WFDC10B: variants seen among roughly 807,000 people sequenced by gnomAD.
The protein encoded by WFDC10B is protein WFDC10B.
In WFDC10B, 1 loss-of-function variant was observed where a neutral mutation model predicts 2.7. The ratio of observed to expected loss-of-function variants is 0.38; its 90% CI spans 0.13 to 1.79. The LOEUF is 1.79. Ranked by LOEUF, WFDC10B falls within the 40% of genes most tolerant of loss-of-function variation. The probability of loss-of-function intolerance (pLI) is 0.33; values close to 1 mark genes in which losing one functional copy is unlikely to be tolerated. For missense variants in WFDC10B, 71 were observed against 87.8 expected, an observed-to-expected ratio of 0.81 and a Z score of 0.76; for synonymous variants, 26 against 32.2, an observed-to-expected ratio of 0.81 and a Z score of 0.65.
intron 2 of WFDC10B, among the ~76,000 whole-genome samples, chr20:45,700,333 G>A (rs1984114651): frequency 6.6e-6 from 1 of 152,028 alleles, no homozygotes; most frequent in South Asian, 2.1e-4. Flanking sequence ...GATAAAGAAG[G>A]GCTGCTACTC....
intron 2 of WFDC10B, among the ~76,000 whole-genome samples, chr20:45,703,275 A>G (rs1243506786): frequency 6.6e-6 from 1 of 152,168 alleles, no homozygotes; most frequent in Non-Finnish European, 1.5e-5. Flanking sequence ...GCAGTGCCCC[A>G]GTGAGCTATA....
At chr20:45,688,668 C>T (rs73620961) in intron 2 of WFDC10B, among the ~76,000 whole-genome samples, 13 of 146,992 alleles carry the variant, frequency 8.8e-5, no homozygotes, top group Middle Eastern at 3.4e-3. Context: ...TCATGTCCTT[C>T]GCCCACTTTT....
chr20:45,701,824 A>G (rs953279860), intron 2 of WFDC10B, among the ~76,000 whole-genome samples: 2 of 151,978 alleles, frequency 1.3e-5, no homozygotes, highest in African/African-American at 4.8e-5. Context: ...CAATTTCCAC[A>G]GGGGAAAATT....
At chr20:45,690,597 A>G (rs888108591) in intron 2 of WFDC10B, among the ~76,000 whole-genome samples, 1 of 151,724 alleles carries the variant, frequency 6.6e-6, no homozygotes, top group Non-Finnish European at 1.5e-5. Context: ...GAATTTATCC[A>G]TTTCTTCTAG....
rs1037223032 is a variant in WFDC10B, at chr20:45,686,076, T to C, written c.-64-20A>G. On this transcript the variant is annotated intron_variant, in intron 2 of 3. Transcript: ENST00000330523. ...AGCTGCCTGTGGAGAGGGAAGGAAA[T>C]AAAGAAGGAATGATCTTCAGCTCCT... 101 of 1,545,542 alleles carry C rather than the reference T, an allele frequency of 6.5e-5. No individual in the cohort carries two copies. Among genetic ancestry groups the C allele is most frequent in the Admixed American group, 6.1e-4 (31 of 50,944 alleles).
At chr20:45,699,142 T>C (rs1568673812) in intron 2 of WFDC10B, among the ~76,000 whole-genome samples, 1 of 152,104 alleles carries the variant, frequency 6.6e-6, no homozygotes, top group Non-Finnish European at 1.5e-5. Context: ...CTGACAAGCA[T>C]GTGGAGAAAT....
At chr20:45,701,420 G>T (rs1473181492) in intron 2 of WFDC10B, among the ~76,000 whole-genome samples, 1 of 152,136 alleles carries the variant, frequency 6.6e-6, no homozygotes, top group African/African-American at 2.4e-5. Context: ...GTAAACAAAA[G>T]GAATTAGTTG....
At chr20:45,689,204 C>G (rs1271796255) in intron 2 of WFDC10B, among the ~76,000 whole-genome samples, 1 of 151,120 alleles carries the variant, frequency 6.6e-6, no homozygotes, top group Non-Finnish European at 1.5e-5. Flanking sequence ...ATCTATATCT[C>G]TGTTTTGGTA....
At chr20:45,702,037 C>T (rs948640640) in intron 2 of WFDC10B, 2 of 1,309,180 alleles carry the variant, frequency 1.5e-6, no homozygotes, top group African/African-American at 2.9e-5. Flanking sequence ...TCCACTTTGC[C>T]CTCTTTCCTT....
intron 2 of WFDC10B, among the ~76,000 whole-genome samples, chr20:45,689,362 T>A (rs1684349240): frequency 6.6e-6 from 1 of 151,686 alleles, no homozygotes; most frequent in Admixed American, 6.6e-5. Context: ...AAGTAGTTTT[T>A]TCCAATTCTG....
intron 2 of WFDC10B, among the ~76,000 whole-genome samples, chr20:45,689,502 C>G (rs1199154203): frequency 6.6e-6 from 1 of 152,024 alleles, no homozygotes. Context: ...TTGTTTGTAT[C>G]CTCTTTTATT....
intron 2 of WFDC10B, among the ~76,000 whole-genome samples, chr20:45,696,695 G>A (rs1045212363): frequency 1.3e-5 from 2 of 152,042 alleles, no homozygotes; most frequent in African/African-American, 4.8e-5. Flanking sequence ...CACCAAAACT[G>A]ACTTGAGAAG....
At position 45,686,418 on chromosome 20, in the gene WFDC10B, A is replaced by G. The variant is rs572983555; in HGVS notation, c.-64-362T>C. Reference sequence around the variant, plus strand: ...TTCCTCTGTATATTTAATGTAAACAATCTTTTATTTTCTCATTTTTGAATC... The same window carrying G: ...TTCCTCTGTATATTTAATGTAAACAGTCTTTTATTTTCTCATTTTTGAATC... On this transcript the variant is annotated intron_variant, in intron 2 of 3. Transcript: ENST00000330523. Among the ~76,000 whole-genome samples, 71 of 152,214 alleles carry G rather than the reference A, an allele frequency of 4.7e-4. No individual in the cohort carries two copies. In the South Asian group the frequency reaches 0.014, roughly 30 times the overall value.
At chr20:45,702,210 G>C in intron 2 of WFDC10B, 6 of 1,611,546 alleles carry the variant, frequency 3.7e-6, no homozygotes, top group Non-Finnish European at 4.2e-6. Context: ...AGCGTGTTCT[G>C]AGTAGGTGCT....
chr20:45,694,536 A>C (rs117900327), intron 2 of WFDC10B, among the ~76,000 whole-genome samples: 146 of 152,358 alleles, frequency 9.6e-4, no homozygotes, highest in Non-Finnish European at 1.8e-3. Flanking sequence ...TATATGAAGC[A>C]AACACCACAG....
chr20:45,700,650 C>T (rs1984125696), intron 2 of WFDC10B, among the ~76,000 whole-genome samples: 1 of 152,052 alleles, frequency 6.6e-6, no homozygotes, highest in Non-Finnish European at 1.5e-5. Flanking sequence ...TTTAAAATTT[C>T]TTGTTAGGAA....
At chr20:45,704,687 C>CG in intron 1 of WFDC10B, 126 bp from the exon 2 acceptor site, 1 of 1,333,344 alleles carries the variant, frequency 7.5e-7, no homozygotes, top group Non-Finnish European at 1.0e-6. Context: ...TGGATCTCTC[C>CG]TTTTTTTTTT....
In WFDC10B at chr20:45,686,018, A is replaced by C; in HGVS notation, c.-26T>G. 6.2e-7 allele frequency: 1 copy of C among 1,611,364 alleles called. No individual in the cohort carries two copies. On this transcript the variant is annotated 5_prime_UTR_variant, in exon 3 of 4. Transcript: ENST00000330523. ...AACTCTGACCAGAGCGTGAGCCCTA[A>C]GTCTGGCCAGGCAGTCACAGACTTC...
intron 2 of WFDC10B, among the ~76,000 whole-genome samples, chr20:45,688,338 T>C (rs891635298): frequency 1.3e-5 from 2 of 152,098 alleles, no homozygotes; most frequent in Non-Finnish European, 2.9e-5. Context: ...TAAACATACA[T>C]GTGCATGTGT....
Sources: gnomAD v4.1 joint callset for allele counts (sites outside exome capture counted in the v4.1 genomes callset) on GRCh38, gnomAD v4.1.1 for gene constraint, MANE v1.5 for transcripts, NCBI Gene and HGNC (gene_info 2026-07-23, HGNC 2026-07-21) for gene names.